ZC3H3: variants seen among roughly 807,000 people sequenced by gnomAD.
The protein encoded by ZC3H3 is zinc finger CCCH-type containing 3, also known as zinc finger CCCH domain-containing protein 3.
A neutral mutation model predicts 77.3 loss-of-function variants in ZC3H3; 36 were observed. The observed-to-expected ratio is 0.47, with a 90% CI of 0.36 to 0.61. The LOEUF (loss-of-function observed/expected upper bound fraction) is 0.61. Ranked by LOEUF, ZC3H3 falls within the 20% of genes least tolerant of loss-of-function variation. The probability of loss-of-function intolerance (pLI) is 0.00; values close to 1 mark genes in which losing one functional copy is unlikely to be tolerated. For missense variants in ZC3H3, 1,331 were observed against 1,312.2 expected, an observed-to-expected ratio of 1.01 and a Z score of -0.22; for synonymous variants, 626 against 555.2, an observed-to-expected ratio of 1.13 and a Z score of -1.79.
At chr8:143,469,646 C>T (rs1563844558) in intron 5 of ZC3H3, among the ~76,000 whole-genome samples, 2 of 152,140 alleles carry the variant, frequency 1.3e-5, no homozygotes, top group Non-Finnish European at 2.9e-5. Context: ...CTGGACATGG[C>T]CGAGTGCTGC....
chr8:143,513,874 G>A (rs1427894300), intron 3 of ZC3H3, among the ~76,000 whole-genome samples: 2 of 152,222 alleles, frequency 1.3e-5, no homozygotes, highest in African/African-American at 4.8e-5. Context: ...GGTGGGGGTG[G>A]ACAGGGTGGC....
intron 4 of ZC3H3, among the ~76,000 whole-genome samples, chr8:143,505,541 C>G (rs2076510206): frequency 6.6e-6 from 1 of 152,156 alleles, no homozygotes. Flanking sequence ...AGAGTCGTGC[C>G]CCTCAGCTCA....
intron 4 of ZC3H3, among the ~76,000 whole-genome samples, chr8:143,476,953 G>A (rs1195902246): frequency 1.3e-5 from 2 of 152,352 alleles, no homozygotes; most frequent in East Asian, 3.9e-4. Context: ...GCATGAAGGT[G>A]GGGCTCGCTT....
chr8:143,484,582 G>C (rs1820998845), intron 4 of ZC3H3: 1 of 156,922 alleles, frequency 6.4e-6, no homozygotes, highest in Non-Finnish European at 1.4e-5. Context: ...ACAAGTATTA[G>C]TGGGACTTCA....
intron 3 of ZC3H3, among the ~76,000 whole-genome samples, chr8:143,519,543 T>G (rs1822173068): frequency 1.3e-5 from 2 of 152,180 alleles, no homozygotes; most frequent in South Asian, 4.1e-4. Flanking sequence ...AGGCTCAGGC[T>G]GCCCGGAGGC....
At chr8:143,448,614 T>G (rs1178134114) in intron 9 of ZC3H3, among the ~76,000 whole-genome samples, 1 of 152,230 alleles carries the variant, frequency 6.6e-6, no homozygotes, top group South Asian at 2.1e-4. Flanking sequence ...TCTGCAGGGT[T>G]CAGCCCCCAC....
At chr8:143,441,900 C>T (rs1412965227) in intron 9 of ZC3H3, among the ~76,000 whole-genome samples, 1 of 152,228 alleles carries the variant, frequency 6.6e-6, no homozygotes, top group Admixed American at 6.5e-5. Flanking sequence ...GAGCCCACTG[C>T]ATGGGGCACC....
chr8:143,536,863 A>G (rs1018465643), intron 2 of ZC3H3, among the ~76,000 whole-genome samples: 4 of 152,048 alleles, frequency 2.6e-5, no homozygotes, highest in African/African-American at 7.2e-5. Flanking sequence ...GCCCCTCAGT[A>G]AGGGGGCAGC....
chr8:143,445,720 A>T (rs1375691983), intron 9 of ZC3H3, among the ~76,000 whole-genome samples: 1 of 151,924 alleles, frequency 6.6e-6, no homozygotes, highest in Non-Finnish European at 1.5e-5. Flanking sequence ...AAAAGACATT[A>T]AAAGGGAGGG....
chr8:143,450,906 G>A (rs1399366450), intron 9 of ZC3H3, among the ~76,000 whole-genome samples: 1 of 152,198 alleles, frequency 6.6e-6, no homozygotes, highest in Non-Finnish European at 1.5e-5. Context: ...CCTGGCAGGG[G>A]AGGCTGGCTG....
intron 8 of ZC3H3, among the ~76,000 whole-genome samples, chr8:143,466,728 G>A (rs1586891806): frequency 6.6e-6 from 1 of 152,162 alleles, no homozygotes; most frequent in East Asian, 1.9e-4. Flanking sequence ...CAGAGCCCCT[G>A]CCAGCACCCC....
chr8:143,519,843 C>A (rs751915743), intron 3 of ZC3H3, among the ~76,000 whole-genome samples: 11 of 152,200 alleles, frequency 7.2e-5, no homozygotes, highest in Non-Finnish European at 1.2e-4. Flanking sequence ...ACGCAGGACA[C>A]CCCCGCAGTC....
At chr8:143,477,835 C>A (rs1476819129) in intron 4 of ZC3H3, among the ~76,000 whole-genome samples, 2 of 143,240 alleles carry the variant, frequency 1.4e-5, no homozygotes, top group Non-Finnish European at 3.2e-5. Flanking sequence ...CAGGGTGCAC[C>A]CCCCCACCGC....
rs902311672 is a variant in ZC3H3, at chr8:143,538,733, G to A, written c.634C>T (p.Pro212Ser). ...VKSVGSVGDS[P>S]REPRRTVSES... ...CTGACTGTCCGGCGGGGCTCCCGGG[G>A]GCTGTCGCCCACACTGCCCACTGAC... Residue 212 changes from proline to serine, a missense_variant, in exon 2 of 12, where the codon CCC becomes TCC. Pro to Ser is a moderately conservative substitution (Grantham distance 74, BLOSUM62 -1). Coordinates refer to ENST00000262577, the MANE Select transcript of ZC3H3 (RefSeq NM_015117.3). 1.2e-6 allele frequency: 2 copies of A among 1,610,056 alleles called. No homozygotes were observed. The highest frequency in any genetic ancestry group is 2.2e-5 in the South Asian group (2 of 91,046).
At chr8:143,534,732 A>G (rs4874146) in intron 3 of ZC3H3, among the ~76,000 whole-genome samples, 71,635 of 151,806 alleles carry the variant, frequency 0.47, 17,568 homozygotes, top group East Asian at 0.68. Context: ...CGACCTAACC[A>G]CCATCCGGCC....
At chr8:143,496,901 G>C (rs530089542) in intron 4 of ZC3H3, among the ~76,000 whole-genome samples, 5 of 152,236 alleles carry the variant, frequency 3.3e-5, no homozygotes, top group Non-Finnish European at 5.9e-5. Flanking sequence ...TGGAAGGACA[G>C]TGCACAAAAT....
chr8:143,441,031 G>A lies in ZC3H3; in HGVS notation c.2397C>T (p.Thr799=). The A allele has an allele frequency of 6.7e-7, 1 of 1,486,156 alleles. No individual in the cohort carries two copies. The highest frequency in any genetic ancestry group is 2.7e-5 in the East Asian group (1 of 36,984). The allele number at this position is 1,486,156 out of a possible 1,614,324, so 92.1% of individuals were successfully genotyped here. A position where few individuals can be genotyped will look rare whatever the true frequency, so the allele number is the denominator to read the frequency against. Residue 799 remains threonine (T), a synonymous_variant, in exon 10 of 12, where the codon ACC becomes ACT. Coordinates refer to ENST00000262577, the MANE Select transcript of ZC3H3 (RefSeq NM_015117.3). ...CTGCCCGCCGACTGTGGCGTTTCTGGGTACGGTGGAGCAGCTGGCACTGGG... is the reference window on the plus strand; with the variant it reads ...CTGCCCGCCGACTGTGGCGTTTCTGAGTACGGTGGAGCAGCTGGCACTGGG... ...RGAQCQLLHR[T]QKRHSRRAAT...
intron 2 of ZC3H3, 70 bp from the exon 3 acceptor site, chr8:143,536,523 G>A: frequency 7.1e-7 from 1 of 1,414,838 alleles, no homozygotes; most frequent in Non-Finnish European, 9.3e-7. Context: ...TTCCTCACCA[G>A]GACCCGAGGA....
intron 9 of ZC3H3, among the ~76,000 whole-genome samples, chr8:143,456,494 G>A (rs1481843716): frequency 2.6e-5 from 4 of 152,198 alleles, no homozygotes; most frequent in East Asian, 1.9e-4. Context: ...GAAAACAGGC[G>A]TGGCTATATT....
Sources: gnomAD v4.1 joint callset for allele counts (sites outside exome capture counted in the v4.1 genomes callset) on GRCh38, gnomAD v4.1.1 for gene constraint, MANE v1.5 for transcripts, NCBI Gene and HGNC (gene_info 2026-07-23, HGNC 2026-07-21) for gene names.